FAR1: variants seen among roughly 807,000 people sequenced by gnomAD.
FAR1 encodes fatty acyl-CoA reductase 1, also known as male sterility domain-containing protein 2.
FAR1 carries 22 observed loss-of-function variants against 61.1 expected under a neutral mutation model. That is an observed-to-expected ratio of 0.36 (90% CI 0.26 to 0.51). FAR1 has a LOEUF of 0.51. Ranked by LOEUF, FAR1 falls within the 20% of genes least tolerant of loss-of-function variation. FAR1 has a pLI of 0.95. For missense variants in FAR1, 359 were observed against 626.9 expected (o/e 0.57, Z 4.56); for synonymous variants, 206 against 209.7 (o/e 0.98, Z 0.15).
In FAR1 at chr11:13,701,919, T is replaced by C. The variant is rs147580541; in HGVS notation, c.365+1427T>C. 5.0e-3 allele frequency among the ~76,000 whole-genome samples: 759 copies of C among 152,286 alleles called. 9 individuals are homozygous for C. The highest frequency in any genetic ancestry group is 0.017 in the African/African-American group (719 of 41,572). On this transcript the variant is annotated intron_variant, in intron 3 of 11. Coordinates refer to ENST00000354817, the MANE Select transcript of FAR1 (RefSeq NM_032228.6). ...GTTCTAATCTTGACCATATCATTCA[T>C]TTACTGGTGAGTTTGTATAAGTTAT...
intron 2 of FAR1, among the ~76,000 whole-genome samples, chr11:13,697,469 A>T (rs1344861539): frequency 6.6e-6 from 1 of 152,138 alleles, no homozygotes; most frequent in Non-Finnish European, 1.5e-5. Flanking sequence ...TCAAAAAAAT[A>T]AAAAATAAAA....
At position 13,726,740 on chromosome 11, in the gene FAR1, T is replaced by A. The variant is rs558094321; in HGVS notation, c.1258-816T>A. Among the ~76,000 whole-genome samples, 62 of 151,752 alleles carry A rather than the reference T, an allele frequency of 4.1e-4. No homozygotes were observed. In the South Asian group the frequency reaches 4.2e-3, roughly 10 times the overall value. On this transcript the variant is annotated intron_variant, in intron 10 of 11. Coordinates refer to ENST00000354817, the MANE Select transcript of FAR1 (RefSeq NM_032228.6). ...CTGCTTCTCTTCCTTTTTTTTTTTT[T>A]TAAATAACTGTTCTTATGGGATTCC...
chr11:13,700,888 C>A lies in FAR1; in HGVS notation c.365+396C>A, dbSNP rs145461624. Among the ~76,000 whole-genome samples, 219 of 152,114 alleles carry A rather than the reference C, an allele frequency of 1.4e-3. 1 individual carries two copies. The highest frequency in any genetic ancestry group is 5.1e-3 in the African/African-American group (211 of 41,536). On this transcript the variant is annotated intron_variant, in intron 3 of 11. Transcript: ENST00000354817. ...TAAACAAAATTAGGCTCAGGTTTTA[C>A]AGGATAAGGAAAAATTGGTTATAAA...
chr11:13,696,435 G>C (rs1348366697), intron 2 of FAR1, among the ~76,000 whole-genome samples: 2 of 152,214 alleles, frequency 1.3e-5, no homozygotes, highest in South Asian at 2.1e-4. Flanking sequence ...GTGCTGGCCA[G>C]AATTGAGGGT....
chr11:13,710,590 G>C (rs919634063), intron 4 of FAR1, 103 bp from the exon 5 acceptor site: 2 of 964,884 alleles, frequency 2.1e-6, no homozygotes, highest in African/African-American at 3.5e-5. Flanking sequence ...AATGATTTGA[G>C]TCAGAACAGC....
At chr11:13,697,702 A>C (rs1848323659) in intron 2 of FAR1, among the ~76,000 whole-genome samples, 1 of 152,164 alleles carries the variant, frequency 6.6e-6, no homozygotes, top group Non-Finnish European at 1.5e-5. Context: ...AGTGGTATAG[A>C]TAACTGATAT....
Position 13,729,492 on chromosome 11 carries a change from AAAC to A in FAR1, c.*721_*723del, listed in dbSNP as rs1848701246. Reference sequence around the variant, plus strand: ...ATACGTGTTTTTTGACAGAAAGTGAAAACAAATTCCGTAAAACTGTTAGTATCA... The same window carrying A: ...ATACGTGTTTTTTGACAGAAAGTGAAAAATTCCGTAAAACTGTTAGTATCA... On this transcript the variant is annotated 3_prime_UTR_variant, in exon 12 of 12. Coordinates refer to ENST00000354817, the MANE Select transcript of FAR1 (RefSeq NM_032228.6). 1 of 151,980 alleles carries A rather than the reference AAAC, an allele frequency of 6.6e-6. No homozygotes were observed. The highest frequency in any genetic ancestry group is 1.5e-5 in the Non-Finnish European group (1 of 67,838). The allele number at this position is 151,980 out of a possible 1,614,324, so 9.4% of individuals were successfully genotyped here. A position where few individuals can be genotyped will look rare whatever the true frequency, so the allele number is the denominator to read the frequency against.
chr11:13,676,886 T>C (rs2134167455), intron 1 of FAR1, among the ~76,000 whole-genome samples: 1 of 152,314 alleles, frequency 6.6e-6, no homozygotes, highest in Middle Eastern at 3.4e-3. Context: ...TTCCAATACA[T>C]AGTAGTAAAA....
intron 1 of FAR1, among the ~76,000 whole-genome samples, chr11:13,677,598 T>A (rs1045223718): frequency 1.3e-5 from 2 of 152,218 alleles, no homozygotes; most frequent in African/African-American, 4.8e-5. Context: ...TGAGTTCTTT[T>A]GCCACATTTG....
intron 3 of FAR1, among the ~76,000 whole-genome samples, chr11:13,706,661 A>G (rs1848436423): frequency 6.6e-6 from 1 of 151,784 alleles, no homozygotes; most frequent in Non-Finnish European, 1.5e-5. Flanking sequence ...ATTTTTAAAA[A>G]TAACAATATA....
At chr11:13,712,172 T>C (rs761955403) in intron 7 of FAR1, 126 bp downstream of exon 7, 15 of 675,834 alleles carry the variant, frequency 2.2e-5, no homozygotes, top group Non-Finnish European at 3.4e-5. Flanking sequence ...GCTGTATCAC[T>C]GCCAACTCCA....
chr11:13,676,104 T>C (rs1382984004), intron 1 of FAR1, among the ~76,000 whole-genome samples: 1 of 152,174 alleles, frequency 6.6e-6, no homozygotes, highest in Non-Finnish European at 1.5e-5. Flanking sequence ...TTCAACTCAA[T>C]TATCTTTCTG....
chr11:13,726,224 C>T (rs543164000), intron 10 of FAR1, among the ~76,000 whole-genome samples: 1 of 151,950 alleles, frequency 6.6e-6, no homozygotes, highest in Admixed American at 6.6e-5. Context: ...TTTATTGCAG[C>T]TTATGCAATA....
rs781245757 is a variant in FAR1 at position 13,700,446 on chromosome 11, A to G, written c.319A>G (p.Ile107Val). The G allele has an allele frequency of 6.3e-7, 1 of 1,584,566 alleles. No homozygotes were observed. The highest frequency in any genetic ancestry group is 1.2e-5 in the South Asian group (1 of 84,184). ...DKEVIIDSTNIIFHCAATVRF... is the reference protein window; with the variant it reads ...DKEVIIDSTNVIFHCAATVRF... ...AGAGGTGATCATAGATTCTACCAAT[A>G]TTATATTCCACTGTGCAGCTACAGT... Residue 107 changes from isoleucine (I) to valine (V), a missense_variant, in exon 3 of 12, where the codon ATT becomes GTT. Around this residue, in one of 2 missense-constraint regions of FAR1, gnomAD observed 344 missense variants for 570.3 expected, o/e 0.60. Transcript: ENST00000354817.
chr11:13,686,445 T>G (rs545763816), intron 1 of FAR1: 1 of 152,312 alleles, frequency 6.6e-6, no homozygotes, highest in Admixed American at 6.5e-5. Context: ...AAGTTTTAAT[T>G]AATTTGAGTT....
intron 1 of FAR1, among the ~76,000 whole-genome samples, chr11:13,678,871 G>A (rs139612913): frequency 1.3e-5 from 2 of 152,080 alleles, no homozygotes; most frequent in Non-Finnish European, 2.9e-5. Context: ...TTAGGTTCAG[G>A]CTTGAGAACA....
intron 2 of FAR1, among the ~76,000 whole-genome samples, chr11:13,695,356 CCCA>C (rs1304843791): frequency 6.6e-6 from 1 of 152,066 alleles, no homozygotes; most frequent in Non-Finnish European, 1.5e-5. Context: ...CACTTACTCC[CCCA>C]CAACAGTATT....
intron 5 of FAR1, 91 bp from the exon 6 acceptor site, chr11:13,711,673 G>T (rs1485760914): frequency 1.1e-6 from 1 of 940,308 alleles, no homozygotes; most frequent in Admixed American, 2.2e-5. Context: ...CAGCTACCAA[G>T]TATATATTTG....
intron 9 of FAR1, among the ~76,000 whole-genome samples, chr11:13,717,549 T>C (rs936757959): frequency 2.6e-5 from 4 of 152,198 alleles, no homozygotes; most frequent in Non-Finnish European, 5.9e-5. Flanking sequence ...TGAGTCATCC[T>C]TCCTTTTGCA....
Sources: gnomAD v4.1 joint callset for allele counts (sites outside exome capture counted in the v4.1 genomes callset) on GRCh38, gnomAD v4.1.1 for gene constraint, gnomAD v4.1.1 regional missense constraint, MANE v1.5 for transcripts, NCBI Gene and HGNC (gene_info 2026-07-23, HGNC 2026-07-21) for gene names.